Variants in EPS15L1 observed in about 807,000 individuals in gnomAD.
EPS15L1 encodes the protein epidermal growth factor receptor substrate 15-like 1.
In EPS15L1, 43 loss-of-function variants were observed where a neutral mutation model predicts 117.1. That is an observed-to-expected ratio of 0.37 (90% CI 0.29 to 0.47). The LOEUF is 0.47. EPS15L1 is among the 20% of genes least tolerant of loss of function. The pLI is 0.99. For synonymous variants in EPS15L1, 459 were observed against 470.5 expected (o/e 0.98, Z 0.32); for missense variants, 981 against 1,164.0 (o/e 0.84, Z 2.29).
chr19:16,356,271 CCA>C (rs1353215578), intron 23 of EPS15L1: 1 of 193,636 alleles, frequency 5.2e-6, no homozygotes, highest in East Asian at 1.3e-4. Flanking sequence ...CAGCCATGCT[CCA>C]GAGAGCTCTG....
chr19:16,429,969 C>T (rs2092912238), intron 7 of EPS15L1, among the ~76,000 whole-genome samples: 1 of 152,230 alleles, frequency 6.6e-6, no homozygotes, highest in Admixed American at 6.5e-5. Flanking sequence ...CAGATGCCAG[C>T]AGCACTCGAC....
At chr19:16,423,586 A>G (rs1190730625) in intron 9 of EPS15L1, among the ~76,000 whole-genome samples, 1 of 152,188 alleles carries the variant, frequency 6.6e-6, no homozygotes, top group Non-Finnish European at 1.5e-5. Flanking sequence ...ATTTAAAAAA[A>G]AAAAATCTAT....
At chr19:16,364,835 A>C (rs772666756) in intron 22 of EPS15L1, among the ~76,000 whole-genome samples, 6 of 152,156 alleles carry the variant, frequency 3.9e-5, no homozygotes, top group Non-Finnish European at 5.9e-5. Context: ...CCGTCCCTAG[A>C]AGCCTCATCT....
chr19:16,384,711 C>G (rs766642664), intron 21 of EPS15L1, among the ~76,000 whole-genome samples: 1 of 152,126 alleles, frequency 6.6e-6, no homozygotes, highest in Non-Finnish European at 1.5e-5. Flanking sequence ...TTTCAACACC[C>G]CTTGAGAGTT....
chr19:16,459,463 G>A (rs1275965248), intron 1 of EPS15L1, among the ~76,000 whole-genome samples: 4 of 152,192 alleles, frequency 2.6e-5, no homozygotes, highest in Non-Finnish European at 4.4e-5. Flanking sequence ...TGAGGGCATG[G>A]GTGAGATTAA....
chr19:16,402,582 C>T, intron 15 of EPS15L1, 97 bp from the exon 16 acceptor site: 2 of 1,178,838 alleles, frequency 1.7e-6, no homozygotes, highest in Non-Finnish European at 2.4e-6. Context: ...CACTCTGTCA[C>T]CCAGACTGGA....
chr19:16,412,887 C>T, intron 13 of EPS15L1: 1 of 614,362 alleles, frequency 1.6e-6, no homozygotes, highest in Non-Finnish European at 3.1e-6. Flanking sequence ...TGCCCATCAC[C>T]AAGCTGGGCC....
intron 10 of EPS15L1, among the ~76,000 whole-genome samples, chr19:16,419,155 C>T (rs1429265700): frequency 2.0e-5 from 3 of 152,242 alleles, no homozygotes; most frequent in African/African-American, 7.2e-5. Context: ...CTCCGCGACA[C>T]TCACAATCAA....
At chr19:16,433,933 A>G (rs2092953857) in intron 7 of EPS15L1, among the ~76,000 whole-genome samples, 1 of 152,066 alleles carries the variant, frequency 6.6e-6, no homozygotes, top group African/African-American at 2.4e-5. Flanking sequence ...ACTGCACTCC[A>G]GCCTAGGCAA....
chr19:16,380,769 C>T (rs185021049), intron 21 of EPS15L1, among the ~76,000 whole-genome samples: 3 of 152,352 alleles, frequency 2.0e-5, no homozygotes, highest in East Asian at 1.9e-4. Context: ...CAGACATGGC[C>T]GTTTAGGCCT....
At chr19:16,436,795 A>T in intron 6 of EPS15L1, 142 bp downstream of exon 6, 1 of 649,276 alleles carries the variant, frequency 1.5e-6, no homozygotes, top group Non-Finnish European at 2.6e-6. Flanking sequence ...ACTCACACTG[A>T]GACAGAAGAG....
At chr19:16,356,220 G>A (rs967972241) in intron 23 of EPS15L1, 23 of 278,592 alleles carry the variant, frequency 8.3e-5, no homozygotes, top group Middle Eastern at 1.1e-3. Context: ...GCCCCACGGC[G>A]CAGACAATTC....
At chr19:16,364,303 G>C (rs570859616) in intron 22 of EPS15L1, among the ~76,000 whole-genome samples, 1 of 152,342 alleles carries the variant, frequency 6.6e-6, no homozygotes, top group Admixed American at 6.5e-5. Flanking sequence ...CCCTTCCCTA[G>C]AGGGGCAGTG....
intron 22 of EPS15L1, among the ~76,000 whole-genome samples, chr19:16,372,082 T>G (rs1316240972): frequency 6.6e-6 from 1 of 152,172 alleles, no homozygotes; most frequent in Non-Finnish European, 1.5e-5. Flanking sequence ...ACACCAAAGC[T>G]CCATGCATGC....
At chr19:16,469,308 G>A (rs1413363738) in intron 1 of EPS15L1, among the ~76,000 whole-genome samples, 1 of 152,184 alleles carries the variant, frequency 6.6e-6, no homozygotes, top group Non-Finnish European at 1.5e-5. Flanking sequence ...GAGAGAGGAT[G>A]AAGAGTGAAG....
Position 16,403,724 on chromosome 19 carries a change from G to T in EPS15L1, c.1626+9C>A. ...TGGCATGTGGCAGGGACCCGACTCC[G>T]TGAAGTACCTGGTTGATTTCGTCTT... On this transcript the variant is annotated intron_variant, in intron 15 of 23. Coordinates refer to ENST00000455140, the MANE Select transcript of EPS15L1 (RefSeq NM_001258374.3). 1 of 1,610,450 alleles carries T rather than the reference G, an allele frequency of 6.2e-7. No individual in the cohort carries two copies.
Position 16,471,202 on chromosome 19 carries a change from C to A in EPS15L1, c.33+711G>T, listed in dbSNP as rs2093343682. Among the ~76,000 whole-genome samples, 1 of 152,206 alleles carries A rather than the reference C, an allele frequency of 6.6e-6. No homozygotes were observed. The highest frequency in any genetic ancestry group is 2.1e-4 in the South Asian group (1 of 4,834). On this transcript the variant is annotated intron_variant, in intron 1 of 23. Coordinates refer to ENST00000455140, the MANE Select transcript of EPS15L1 (RefSeq NM_001258374.3). The surrounding 1 kb of genome is among the most constrained non-coding windows in gnomAD (Gnocchi z 4.8). ...CCAGGAAAGCAGCGACCTTGTCTGTCTGGAAGAATGCAGCGCTCCCAGCAC... is the reference window on the plus strand; with the variant it reads ...CCAGGAAAGCAGCGACCTTGTCTGTATGGAAGAATGCAGCGCTCCCAGCAC...
chr19:16,438,025 C>T (rs2092994502), intron 4 of EPS15L1, among the ~76,000 whole-genome samples, 160 bp from the exon 5 acceptor site: 1 of 152,132 alleles, frequency 6.6e-6, no homozygotes, highest in Non-Finnish European at 1.5e-5. Flanking sequence ...ACTGGACTCA[C>T]CTTGGGGACA....
At chr19:16,456,741 T>C (rs1295280874) in intron 1 of EPS15L1, among the ~76,000 whole-genome samples, 1 of 152,084 alleles carries the variant, frequency 6.6e-6, no homozygotes, top group Non-Finnish European at 1.5e-5. Flanking sequence ...AGCCCAGGAC[T>C]ATGGCACAGG....
Sources: gnomAD v4.1 joint callset for allele counts (sites outside exome capture counted in the v4.1 genomes callset) on GRCh38, gnomAD v4.1.1 for gene constraint, Gnocchi (gnomAD v3.1) non-coding constraint, MANE v1.5 for transcripts, NCBI Gene and HGNC (gene_info 2026-07-23, HGNC 2026-07-21) for gene names.